The following MYRIP variants were observed in gnomAD, a reference collection of about 807,000 sequenced individuals.
MYRIP encodes the protein rab effector MyRIP.
MYRIP carries 49 observed loss-of-function variants against 98.0 expected under a neutral mutation model. That is an observed-to-expected ratio of 0.50 (90% CI 0.40 to 0.63). MYRIP has a LOEUF of 0.63. Among genes scored for constraint, MYRIP ranks in the 30% least tolerant of loss-of-function variants. The pLI is 0.00. For synonymous variants in MYRIP, 404 were observed against 409.5 expected (o/e 0.99, Z 0.16); for missense variants, 1,004 against 1,058.2 (o/e 0.95, Z 0.71).
At chr3:39,866,331 A>G (rs909284911) in intron 1 of MYRIP, among the ~76,000 whole-genome samples, 3 of 152,172 alleles carry the variant, frequency 2.0e-5, no homozygotes, top group African/African-American at 7.2e-5. Flanking sequence ...CCCTGAACCT[A>G]AAATAAAAGT....
At chr3:40,122,074 T>G (rs1267773387) in intron 3 of MYRIP, among the ~76,000 whole-genome samples, 1 of 152,158 alleles carries the variant, frequency 6.6e-6, no homozygotes, top group Non-Finnish European at 1.5e-5. Context: ...TGGCCTAAAA[T>G]GGAACCAAAT....
chr3:40,136,711 G>A (rs1398767457), intron 3 of MYRIP, among the ~76,000 whole-genome samples: 1 of 152,138 alleles, frequency 6.6e-6, no homozygotes, highest in Non-Finnish European at 1.5e-5. Flanking sequence ...AATCAAACTA[G>A]AACTCAGGAT....
chr3:39,855,902 CCCT>C (rs1373039280), intron 1 of MYRIP, among the ~76,000 whole-genome samples: 2 of 152,162 alleles, frequency 1.3e-5, no homozygotes, highest in Non-Finnish European at 1.5e-5. Flanking sequence ...ACCCTGCAAC[CCCT>C]CCTCAATTCT....
intron 4 of MYRIP, among the ~76,000 whole-genome samples, chr3:40,159,221 C>G (rs2125585735): frequency 6.6e-6 from 1 of 151,530 alleles, no homozygotes; most frequent in East Asian, 1.9e-4. Flanking sequence ...ATTTGCTTGT[C>G]TGTAAAGTAT....
intron 3 of MYRIP, among the ~76,000 whole-genome samples, chr3:40,074,905 C>T (rs924011524): frequency 6.6e-6 from 1 of 152,158 alleles, no homozygotes; most frequent in Non-Finnish European, 1.5e-5. Flanking sequence ...CAAATTAAGA[C>T]TCTTTTCCAT....
In MYRIP at chr3:40,109,459, C is replaced by T. The variant is rs142740840; in HGVS notation, c.333-41589C>T. Among the ~76,000 whole-genome samples, 1,499 of 152,290 alleles carry T rather than the reference C, an allele frequency of 9.8e-3. 11 individuals carry two copies. Among genetic ancestry groups the T allele is most frequent in the Middle Eastern group, 0.017 (5 of 294 alleles). On this transcript the variant is annotated intron_variant, in intron 3 of 16. Coordinates refer to ENST00000302541, the MANE Select transcript of MYRIP (RefSeq NM_015460.4). ...GGGCAAAAGTCTGAAGAGATGGGAA[C>T]AGATGAGCCCAGAGCCATTGCCTTT...
intron 2 of MYRIP, among the ~76,000 whole-genome samples, chr3:40,027,525 C>A (rs573658232): frequency 1.3e-5 from 2 of 152,254 alleles, no homozygotes; most frequent in Admixed American, 1.3e-4. Context: ...CATGTTTTAA[C>A]TGAAATGCCA....
At chr3:39,928,761 A>G (rs1190975754) in intron 2 of MYRIP, among the ~76,000 whole-genome samples, 2 of 152,002 alleles carry the variant, frequency 1.3e-5, no homozygotes, top group Non-Finnish European at 2.9e-5. Context: ...CTTCCCCCTT[A>G]AAATCAGGAA....
chr3:40,142,599 A>G (rs1455872057), intron 3 of MYRIP, among the ~76,000 whole-genome samples: 1 of 152,016 alleles, frequency 6.6e-6, no homozygotes, highest in Non-Finnish European at 1.5e-5. Flanking sequence ...AGTAGCTGGG[A>G]CTACAGGCAT....
intron 10 of MYRIP, among the ~76,000 whole-genome samples, chr3:40,196,317 G>A (rs1951393455): frequency 1.3e-5 from 2 of 151,648 alleles, no homozygotes; most frequent in Non-Finnish European, 2.9e-5. Flanking sequence ...TATATATTCT[G>A]ATATGTAAAA....
intron 3 of MYRIP, among the ~76,000 whole-genome samples, chr3:40,069,099 T>A (rs1948174970): frequency 1.3e-5 from 2 of 152,120 alleles, no homozygotes; most frequent in Non-Finnish European, 2.9e-5. Context: ...AGTAGATTGG[T>A]AGCTGGTACC....
chr3:39,895,878 G>A (rs2125665307), intron 1 of MYRIP, among the ~76,000 whole-genome samples: 1 of 151,890 alleles, frequency 6.6e-6, no homozygotes, highest in Non-Finnish European at 1.5e-5. Flanking sequence ...AACAGGTCAG[G>A]CCAGAAAGTC....
intron 2 of MYRIP, among the ~76,000 whole-genome samples, chr3:40,039,155 G>C (rs1947454744): frequency 6.6e-6 from 1 of 152,072 alleles, no homozygotes; most frequent in Non-Finnish European, 1.5e-5. Flanking sequence ...CCACACCTTA[G>C]AGTCTGTTGC....
chr3:40,190,151 G>A lies in MYRIP; in HGVS notation c.1353G>A (p.Met451Ile). The change falls in exon 10 of 17, where the codon ATG (methionine) becomes ATA (isoleucine). Residue 451 changes from methionine to isoleucine, a missense_variant. Met to Ile is a conservative substitution (Grantham distance 10, BLOSUM62 1). Around this residue, in one of 3 missense-constraint regions of MYRIP, gnomAD observed 880 missense variants for 907.7 expected, o/e 0.97. Coordinates refer to ENST00000302541, the MANE Select transcript of MYRIP (RefSeq NM_015460.4). The part of the protein sequence containing the change: ...SSALSPNPEA[M>I]CSDSETSSAG... Reference sequence around the variant, plus strand: ...CACTCTCCCCCAACCCTGAGGCCATGTGCTCTGACTCGGAGACCTCCTCCG... The same window carrying A: ...CACTCTCCCCCAACCCTGAGGCCATATGCTCTGACTCGGAGACCTCCTCCG... 4 of 1,614,090 alleles carry A rather than the reference G, an allele frequency of 2.5e-6. No individual in the cohort carries two copies. The highest frequency in any genetic ancestry group is 3.4e-6 in the Non-Finnish European group (4 of 1,179,984).
intron 2 of MYRIP, among the ~76,000 whole-genome samples, chr3:40,037,698 T>C (rs773286617): frequency 6.6e-6 from 1 of 152,096 alleles, no homozygotes; most frequent in East Asian, 1.9e-4. Context: ...CTGAGATGGA[T>C]GCAGAGCTGA....
intron 1 of MYRIP, among the ~76,000 whole-genome samples, chr3:39,885,017 A>G (rs1943254025): frequency 6.8e-6 from 1 of 147,572 alleles, no homozygotes; most frequent in African/African-American, 2.5e-5. Flanking sequence ...ATAGCAATGT[A>G]TGAAAGTGCC....
At chr3:40,177,608 T>G (rs570164695) in intron 8 of MYRIP, among the ~76,000 whole-genome samples, 1 of 152,308 alleles carries the variant, frequency 6.6e-6, no homozygotes, top group East Asian at 1.9e-4. Flanking sequence ...CATTTTTAAT[T>G]TCCTCCCTCA....
intron 1 of MYRIP, among the ~76,000 whole-genome samples, chr3:39,844,141 C>T (rs558525065): frequency 6.6e-6 from 1 of 152,304 alleles, no homozygotes; most frequent in African/African-American, 2.4e-5. Flanking sequence ...TGCCTCTTCC[C>T]CAGATCTCCT....
At chr3:40,193,112 T>C (rs891086700) in intron 10 of MYRIP, among the ~76,000 whole-genome samples, 2 of 151,980 alleles carry the variant, frequency 1.3e-5, no homozygotes, top group Non-Finnish European at 2.9e-5. Context: ...TTTTTCACAG[T>C]GCACACCCAA....
Sources: gnomAD v4.1 joint callset for allele counts (sites outside exome capture counted in the v4.1 genomes callset) on GRCh38, gnomAD v4.1.1 for gene constraint, gnomAD v4.1.1 regional missense constraint, MANE v1.5 for transcripts, NCBI Gene and HGNC (gene_info 2026-07-23, HGNC 2026-07-21) for gene names.